The following CDH13 variants were observed in gnomAD, a reference collection of about 807,000 sequenced individuals.
CDH13 encodes the protein cadherin 13.
Under a neutral mutation model 63.8 loss-of-function variants are expected in CDH13, and 24 were observed. That is an observed-to-expected ratio of 0.38 (90% CI 0.27 to 0.53). CDH13 has a LOEUF of 0.53. CDH13 is among the 20% of genes least tolerant of loss of function. CDH13 has a pLI of 0.85. For synonymous variants in CDH13, 503 were observed against 355.3 expected, an observed-to-expected ratio of 1.42 and a Z score of -4.67; for missense variants, 1,049 against 903.1, an observed-to-expected ratio of 1.16 and a Z score of -2.07.
At chr16:82,843,408 A>G (rs1035268428) in intron 1 of CDH13, among the ~76,000 whole-genome samples, 2 of 152,200 alleles carry the variant, frequency 1.3e-5, no homozygotes, top group Non-Finnish European at 2.9e-5. Context: ...TTAACTGTCT[A>G]CCAGGCAGTT....
intron 6 of CDH13, among the ~76,000 whole-genome samples, chr16:83,361,687 C>A (rs1026977612): frequency 1.3e-5 from 2 of 152,076 alleles, no homozygotes; most frequent in African/African-American, 4.8e-5. Flanking sequence ...ACAGAGAGTC[C>A]TTTTCCCATT....
chr16:83,349,887 A>C (rs769437883), intron 6 of CDH13, among the ~76,000 whole-genome samples: 1 of 152,132 alleles, frequency 6.6e-6, no homozygotes, highest in Non-Finnish European at 1.5e-5. Context: ...GGTGTGAGTC[A>C]CTGCACCTGG....
chr16:82,828,219 C>A (rs537249773), intron 1 of CDH13, among the ~76,000 whole-genome samples: 3 of 152,258 alleles, frequency 2.0e-5, no homozygotes, highest in Admixed American at 2.0e-4. Context: ...AAGCTTGGGC[C>A]GCAGCATTGC....
intron 5 of CDH13, among the ~76,000 whole-genome samples, chr16:83,246,883 C>T (rs1905047204): frequency 6.6e-6 from 1 of 152,202 alleles, no homozygotes; most frequent in Admixed American, 6.5e-5. Flanking sequence ...GTGACATCTT[C>T]TGTTCCTGCA....
At chr16:82,974,613 G>C (rs1194302323) in intron 2 of CDH13, among the ~76,000 whole-genome samples, 1 of 151,946 alleles carries the variant, frequency 6.6e-6, no homozygotes, top group Non-Finnish European at 1.5e-5. Context: ...GAGATTGAGA[G>C]ATCATGTTGG....
intron 2 of CDH13, among the ~76,000 whole-genome samples, chr16:82,867,455 T>G (rs1011193895): frequency 1.3e-5 from 2 of 152,202 alleles, no homozygotes; most frequent in Non-Finnish European, 2.9e-5. Context: ...CTATTCTGGA[T>G]GGACCCAGGG....
intron 1 of CDH13, among the ~76,000 whole-genome samples, chr16:82,742,843 T>G (rs904139975): frequency 2.0e-5 from 3 of 152,194 alleles, no homozygotes; most frequent in Admixed American, 1.3e-4. Context: ...CCTATACATC[T>G]CAAAAATATA....
chr16:83,626,902 T>C (rs972634756), intron 8 of CDH13, among the ~76,000 whole-genome samples: 2 of 152,154 alleles, frequency 1.3e-5, no homozygotes, highest in African/African-American at 4.8e-5. Flanking sequence ...TGGACCACCT[T>C]CTGCCTTGGT....
intron 7 of CDH13, among the ~76,000 whole-genome samples, chr16:83,567,281 C>G (rs1386877059): frequency 6.6e-6 from 1 of 152,172 alleles, no homozygotes; most frequent in Non-Finnish European, 1.5e-5. Flanking sequence ...AAGAAAAGGC[C>G]ATATCAATCT....
At chr16:83,314,714 G>C (rs1201597634) in intron 5 of CDH13, among the ~76,000 whole-genome samples, 1 of 152,148 alleles carries the variant, frequency 6.6e-6, no homozygotes, top group Non-Finnish European at 1.5e-5. Flanking sequence ...ATACTTAATA[G>C]GCGATTTTAC....
At chr16:82,814,786 A>G (rs1457122241) in intron 1 of CDH13, among the ~76,000 whole-genome samples, 1 of 152,204 alleles carries the variant, frequency 6.6e-6, no homozygotes, top group East Asian at 1.9e-4. Flanking sequence ...AGTCAGAAGC[A>G]CAGGCCACAA....
Position 83,310,266 on chromosome 16 carries a change from G to A in CDH13, c.637-34596G>A, listed in dbSNP as rs2089970682. 2.0e-5 allele frequency among the ~76,000 whole-genome samples: 3 copies of A among 152,284 alleles called. No individual in the cohort carries two copies. In the South Asian group the frequency reaches 6.2e-4, roughly 32 times the overall value. On this transcript the variant is annotated intron_variant, in intron 5 of 13. Transcript: ENST00000567109. ...TTAGGTAAAAGTGGGAAAATTAGAT[G>A]CCTGTCAAATAAATAGCAGTCTAAG...
intron 6 of CDH13, among the ~76,000 whole-genome samples, chr16:83,420,556 G>A (rs572829579): frequency 4.6e-5 from 7 of 152,268 alleles, no homozygotes; most frequent in African/African-American, 1.2e-4. Context: ...CATCTTTTAC[G>A]TACCGATTAA....
rs150525995 is a variant in CDH13 at position 83,546,257 on chromosome 16, C to A, written c.961-56197C>A. On this transcript the variant is annotated intron_variant, in intron 7 of 13. Coordinates refer to ENST00000567109, the MANE Select transcript of CDH13 (RefSeq NM_001257.5). ...TTCCCTTCTCAGAGGCTCTGAACTCCTGGAGGGTGGCACTCTTGGCATCCC... is the reference window on the plus strand; with the variant it reads ...TTCCCTTCTCAGAGGCTCTGAACTCATGGAGGGTGGCACTCTTGGCATCCC... 8.9e-4 allele frequency among the ~76,000 whole-genome samples: 136 copies of A among 152,238 alleles called. 2 individuals carry two copies. The highest frequency in any genetic ancestry group is 3.0e-3 in the African/African-American group (126 of 41,550).
chr16:82,630,737 A>G (rs1332903007), intron 1 of CDH13, among the ~76,000 whole-genome samples: 1 of 152,232 alleles, frequency 6.6e-6, no homozygotes, highest in East Asian at 1.9e-4. Context: ...GTTAATTTAT[A>G]TTTAGTGGAA....
intron 2 of CDH13, among the ~76,000 whole-genome samples, chr16:82,975,643 C>T (rs1909394460): frequency 6.6e-6 from 1 of 152,188 alleles, no homozygotes; most frequent in Non-Finnish European, 1.5e-5. Flanking sequence ...ATAATAATTA[C>T]AGTTTCTTAC....
intron 7 of CDH13, among the ~76,000 whole-genome samples, chr16:83,584,579 C>A (rs1905962435): frequency 6.6e-6 from 1 of 152,086 alleles, no homozygotes; most frequent in Admixed American, 6.5e-5. Context: ...GCATTCTGGG[C>A]AAAGGGAACA....
intron 1 of CDH13, among the ~76,000 whole-genome samples, chr16:82,802,381 C>T (rs1002508766): frequency 6.6e-5 from 10 of 152,154 alleles, no homozygotes; most frequent in Non-Finnish European, 4.4e-5. Flanking sequence ...TTACAGAATG[C>T]TCTTTTCTGC....
intron 1 of CDH13, chr16:82,719,234 A>G (rs2032599396): frequency 6.0e-6 from 2 of 335,278 alleles, no homozygotes; most frequent in Admixed American, 6.8e-5. Flanking sequence ...ACGAGCAGGA[A>G]CCTCACATCA....
Sources: gnomAD v4.1 joint callset for allele counts (sites outside exome capture counted in the v4.1 genomes callset) on GRCh38, gnomAD v4.1.1 for gene constraint, MANE v1.5 for transcripts, NCBI Gene and HGNC (gene_info 2026-07-23, HGNC 2026-07-21) for gene names.